UBR3: variants seen among roughly 807,000 people sequenced by gnomAD.
UBR3 encodes the protein E3 ubiquitin-protein ligase UBR3.
Under a neutral mutation model 243.2 loss-of-function variants are expected in UBR3, and 85 were observed. The ratio of observed to expected loss-of-function variants is 0.35; its 90% CI spans 0.29 to 0.42. The LOEUF is 0.42. Among genes scored for constraint, UBR3 ranks in the 10% least tolerant of loss-of-function variants. The pLI is 1.00. For missense variants in UBR3, 1,686 were observed against 2,300.8 expected, an observed-to-expected ratio of 0.73 and a Z score of 5.47; for synonymous variants, 748 against 799.8, an observed-to-expected ratio of 0.94 and a Z score of 1.09.
At chr2:169,997,840 G>A (rs576807105) in intron 26 of UBR3, among the ~76,000 whole-genome samples, 21 of 152,234 alleles carry the variant, frequency 1.4e-4, no homozygotes, top group Admixed American at 3.9e-4. Context: ...ATGGGGGAGT[G>A]CATGCTGAAT....
At chr2:169,944,862 G>A (rs1210917610) in intron 20 of UBR3, among the ~76,000 whole-genome samples, 1 of 152,060 alleles carries the variant, frequency 6.6e-6, no homozygotes, top group Non-Finnish European at 1.5e-5. Context: ...GGGGGTCTGA[G>A]GTCTGTGTTC....
chr2:169,957,754 T>A (rs1011921937), intron 23 of UBR3, among the ~76,000 whole-genome samples: 5 of 152,088 alleles, frequency 3.3e-5, no homozygotes, highest in Non-Finnish European at 5.9e-5. Flanking sequence ...AAAAAAATAT[T>A]CTTTGGAAGT....
At chr2:170,075,245 C>T (rs1185130127) in intron 36 of UBR3, among the ~76,000 whole-genome samples, 1 of 151,878 alleles carries the variant, frequency 6.6e-6, no homozygotes, top group Non-Finnish European at 1.5e-5. Context: ...TTGCATATTA[C>T]ATATACAAAT....
chr2:169,871,301 T>G (rs2083429638), intron 1 of UBR3, among the ~76,000 whole-genome samples: 1 of 145,232 alleles, frequency 6.9e-6, no homozygotes, highest in Non-Finnish European at 1.5e-5. Flanking sequence ...AAAGTAAAAA[T>G]AAAAAAATTA....
rs146665953 is a variant in UBR3 at position 169,957,678 on chromosome 2, T to C, written c.3546-760T>C. Among the ~76,000 whole-genome samples the C allele has an allele frequency of 2.0e-3, 298 of 152,010 alleles. 8 individuals carry two copies. In the East Asian group the frequency reaches 0.047, roughly 24 times the overall value. On this transcript the variant is annotated intron_variant, in intron 23 of 38. Transcript: ENST00000272793. ...TATACATATGTAAGAAACCTGTACA[T>C]TGTGCACATGTACCCTAGAACTTAA...
In UBR3 at chr2:169,836,016, T is replaced by C. The variant is rs1181617887; in HGVS notation, c.545+7964T>C. Among the ~76,000 whole-genome samples the C allele has an allele frequency of 2.6e-3, 68 of 26,374 alleles. 4 individuals carry two copies. The highest frequency in any genetic ancestry group is 9.6e-3 in the Middle Eastern group (1 of 104). The allele number at this position is 26,374 out of a possible 152,430, so 17.3% of individuals were successfully genotyped here. A position where few individuals can be genotyped will look rare whatever the true frequency, so the allele number is the denominator to read the frequency against. ...CTGTCTCTCTCTCTCTCTCTCTCTC[T>C]CTCTCTCTCTCTCTCTCTCTCTCTC... On this transcript the variant is annotated intron_variant, in intron 1 of 38. Transcript: ENST00000272793.
At chr2:169,932,729 A>G (rs1471431972) in intron 18 of UBR3, among the ~76,000 whole-genome samples, 183 bp from the exon 19 acceptor site, 1 of 152,204 alleles carries the variant, frequency 6.6e-6, no homozygotes, top group Non-Finnish European at 1.5e-5. Flanking sequence ...ATTCCTGATG[A>G]TGAAATTGTG....
intron 26 of UBR3, among the ~76,000 whole-genome samples, chr2:169,995,878 T>C (rs1463752225): frequency 6.6e-6 from 1 of 152,230 alleles, no homozygotes; most frequent in Non-Finnish European, 1.5e-5. Flanking sequence ...TGATGTTTCC[T>C]GAGTGGATTA....
intron 11 of UBR3, among the ~76,000 whole-genome samples, chr2:169,914,728 C>T (rs2085384761): frequency 6.6e-6 from 1 of 152,234 alleles, no homozygotes; most frequent in South Asian, 2.1e-4. Context: ...ATGCCATATG[C>T]AAAAGAAAGA....
At chr2:170,043,684 T>A (rs2091020389) in intron 32 of UBR3, among the ~76,000 whole-genome samples, 1 of 152,232 alleles carries the variant, frequency 6.6e-6, no homozygotes. Context: ...TTGCTATGCT[T>A]CTTTGCCAAG....
chr2:169,982,325 G>T (rs1311605988), intron 24 of UBR3, among the ~76,000 whole-genome samples: 3 of 151,998 alleles, frequency 2.0e-5, no homozygotes, highest in African/African-American at 7.2e-5. Context: ...CATGAAGCAA[G>T]AAGATTTTTG....
At chr2:169,935,857 A>G (rs1402246218) in intron 19 of UBR3, among the ~76,000 whole-genome samples, 1 of 152,196 alleles carries the variant, frequency 6.6e-6, no homozygotes, top group African/African-American at 2.4e-5. Flanking sequence ...TTTTGGAACA[A>G]TTTATTAATC....
At chr2:169,993,028 T>A (rs2089339017) in intron 25 of UBR3, among the ~76,000 whole-genome samples, 1 of 152,202 alleles carries the variant, frequency 6.6e-6, no homozygotes, top group South Asian at 2.1e-4. Context: ...CCCAAAGTGC[T>A]GGGTTTACAG....
At chr2:169,931,337 C>T (rs965090105) in intron 18 of UBR3, among the ~76,000 whole-genome samples, 2 of 105,574 alleles carry the variant, frequency 1.9e-5, no homozygotes, top group Non-Finnish European at 1.7e-5. Context: ...GGTGACAGAG[C>T]GAGAATCTGT....
At chr2:170,034,637 T>G (rs1053267386) in intron 31 of UBR3, among the ~76,000 whole-genome samples, 2 of 152,024 alleles carry the variant, frequency 1.3e-5, no homozygotes, top group Non-Finnish European at 2.9e-5. Context: ...TCTAAACATC[T>G]GTGTGCAGGT....
At chr2:169,905,568 T>C (rs1432926544) in intron 9 of UBR3, among the ~76,000 whole-genome samples, 1 of 152,160 alleles carries the variant, frequency 6.6e-6, no homozygotes, top group Non-Finnish European at 1.5e-5. Flanking sequence ...AGAGACAGGG[T>C]CTCACTATGT....
Position 169,958,440 on chromosome 2 carries a change from G to T in UBR3, c.3548G>T (p.Arg1183Leu). 1 of 1,612,538 alleles carries T rather than the reference G, an allele frequency of 6.2e-7. No individual in the cohort carries two copies. Among genetic ancestry groups the T allele is most frequent in the Non-Finnish European group, 8.5e-7 (1 of 1,179,130 alleles). Residue 1183 changes from arginine to leucine, a missense_variant and splice_region_variant, in exon 24 of 39, where the codon CGA becomes CTA. Coordinates refer to ENST00000272793, the MANE Select transcript of UBR3 (RefSeq NM_172070.4). ...EKKTLDKEER[R>L]QKARERQQKL... Reference sequence around the variant, plus strand: ...AACTTTATTTCTGTTTAATCTAGGCGACAGAAGGCTAGAGAGAGGCAGCAG... The same window carrying T: ...AACTTTATTTCTGTTTAATCTAGGCTACAGAAGGCTAGAGAGAGGCAGCAG...
rs1358074530 is a variant in UBR3 at position 169,983,255 on chromosome 2, T to C, written c.3635-3390T>C. Among the ~76,000 whole-genome samples the C allele has an allele frequency of 2.9e-4, 11 of 37,290 alleles. No homozygotes were observed. In the East Asian group the frequency reaches 7.7e-3, roughly 26 times the overall value. The allele number at this position is 37,290 out of a possible 152,430, so 24.5% of individuals were successfully genotyped here. Reference sequence around the variant, plus strand: ...TGTTTTTGCCACATTCTCTCTCCTTTTTTTTTTTTTTTTTTTTTTGAGATG... The same window carrying C: ...TGTTTTTGCCACATTCTCTCTCCTTCTTTTTTTTTTTTTTTTTTTGAGATG... On this transcript the variant is annotated intron_variant, in intron 24 of 38. Coordinates refer to ENST00000272793, the MANE Select transcript of UBR3 (RefSeq NM_172070.4).
At chr2:169,872,116 T>C (rs1199388352) in intron 1 of UBR3, 120 bp from the exon 2 acceptor site, 1 of 748,012 alleles carries the variant, frequency 1.3e-6, no homozygotes, top group Non-Finnish European at 1.9e-6. Context: ...ACCTGGTACC[T>C]TAAAAATCAT....
Sources: allele counts gnomAD v4.1 joint callset (sites outside exome capture counted in the v4.1 genomes callset), GRCh38; gene constraint gnomAD v4.1.1; transcripts MANE v1.5; gene names NCBI Gene and HGNC (gene_info 2026-07-23, HGNC 2026-07-21).